The following GSK3B variants were observed in gnomAD, a reference collection of about 807,000 sequenced individuals.
The protein encoded by GSK3B is glycogen synthase kinase-3 beta.
In GSK3B, 15 loss-of-function variants were observed where a neutral mutation model predicts 56.4. The ratio of observed to expected loss-of-function variants is 0.27; its 90% confidence interval spans 0.18 to 0.41. The LOEUF (loss-of-function observed/expected upper bound fraction) is 0.41. Ranked by LOEUF, GSK3B falls within the 10% of genes least tolerant of loss-of-function variation. The probability of loss-of-function intolerance (pLI) is 1.00; values close to 1 mark genes in which losing one functional copy is unlikely to be tolerated. For missense variants in GSK3B, 300 were observed against 513.4 expected, an observed-to-expected ratio of 0.58 and a Z score of 4.02; for synonymous variants, 181 against 188.9, an observed-to-expected ratio of 0.96 and a Z score of 0.34.
At chr3:119,838,146 G>A (rs964419401) in intron 10 of GSK3B, among the ~76,000 whole-genome samples, 2 of 151,666 alleles carry the variant, frequency 1.3e-5, no homozygotes, top group Non-Finnish European at 2.9e-5. Context: ...AAAATTAGCA[G>A]GGTATGGTAG....
chr3:119,916,058 G>A lies in GSK3B; in HGVS notation c.594C>T (p.Leu198=). 6.2e-7 allele frequency: 1 copy of A among 1,612,524 alleles called. No homozygotes were observed. Among genetic ancestry groups the A allele is most frequent in the Non-Finnish European group, 8.5e-7 (1 of 1,178,894 alleles). Residue 198 remains leucine, a synonymous_variant, in exon 5 of 11, where the codon CTC becomes CTT. Transcript: ENST00000264235. ...CAGTAGCTTACCTTCCAAAGTCACA[G>A]AGTTTTAATACAGCAGTATCAGGAT... ...LLDPDTAVLK[L]CDFGSAKQLV... is the part of the protein sequence containing the mutation.
chr3:119,927,337 G>A (rs1451818094), intron 3 of GSK3B, among the ~76,000 whole-genome samples: 2 of 152,168 alleles, frequency 1.3e-5, no homozygotes, highest in Non-Finnish European at 2.9e-5. Flanking sequence ...TTGGGAAAGT[G>A]AGAATGAATG....
At chr3:120,046,445 C>G (rs2058103736) in intron 1 of GSK3B, among the ~76,000 whole-genome samples, 1 of 152,082 alleles carries the variant, frequency 6.6e-6, no homozygotes, top group South Asian at 2.1e-4. Flanking sequence ...TAGGCTCACT[C>G]TACTTTCTGT....
chr3:120,087,119 C>A (rs1330018441), intron 1 of GSK3B, among the ~76,000 whole-genome samples: 1 of 152,216 alleles, frequency 6.6e-6, no homozygotes, highest in East Asian at 1.9e-4. Context: ...ATATTAGCTG[C>A]TCAGGAGCAC....
At chr3:120,075,834 A>G (rs1037155375) in intron 1 of GSK3B, among the ~76,000 whole-genome samples, 1 of 152,184 alleles carries the variant, frequency 6.6e-6, no homozygotes, top group African/African-American at 2.4e-5. Flanking sequence ...CGCAATTCCT[A>G]TCAAAATCCC....
chr3:119,950,814 A>C (rs2057149891), intron 2 of GSK3B, among the ~76,000 whole-genome samples: 1 of 152,210 alleles, frequency 6.6e-6, no homozygotes. Context: ...CAGTAGAGGA[A>C]AATGGCCTTC....
intron 2 of GSK3B, among the ~76,000 whole-genome samples, chr3:119,989,036 A>G (rs1002720833): frequency 3.3e-5 from 5 of 152,160 alleles, no homozygotes; most frequent in African/African-American, 9.7e-5. Flanking sequence ...TTTTCTGGCT[A>G]CAAGTTTCCA....
chr3:119,856,935 C>G (rs897611875), intron 9 of GSK3B, among the ~76,000 whole-genome samples: 1 of 152,132 alleles, frequency 6.6e-6, no homozygotes, highest in African/African-American at 2.4e-5. Flanking sequence ...TTTTAGACCA[C>G]TACAATAAAG....
rs150179864 is a variant in GSK3B at position 119,841,486 on chromosome 3, C to T, written c.1195+1769G>A. Among the ~76,000 whole-genome samples, 411 of 152,228 alleles carry T rather than the reference C, an allele frequency of 2.7e-3. 5 individuals carry two copies. The highest frequency in any genetic ancestry group is 9.1e-3 in the African/African-American group (380 of 41,538). On this transcript the variant is annotated intron_variant, in intron 10 of 10. Transcript: ENST00000264235. ...CCTTTTTCATGTTGTGAACAATTAA[C>T]GTAACCTGGGCCAGTATTAAATTTG...
intron 2 of GSK3B, among the ~76,000 whole-genome samples, chr3:119,999,520 G>GT (rs1559870249): frequency 6.6e-6 from 1 of 152,206 alleles, no homozygotes; most frequent in African/African-American, 2.4e-5. Context: ...CATATAGTAA[G>GT]TATCTGCTAT....
chr3:119,967,408 A>G (rs977918564), intron 2 of GSK3B, among the ~76,000 whole-genome samples: 5 of 152,156 alleles, frequency 3.3e-5, no homozygotes, highest in Non-Finnish European at 4.4e-5. Context: ...AGATATTGAT[A>G]AGATAATCCT....
At chr3:119,867,093 T>A (rs1458713059) in intron 8 of GSK3B, among the ~76,000 whole-genome samples, 2 of 152,200 alleles carry the variant, frequency 1.3e-5, no homozygotes, top group African/African-American at 4.8e-5. Context: ...GCTACTTTTT[T>A]CTCTATTAAT....
intron 1 of GSK3B, among the ~76,000 whole-genome samples, chr3:120,068,552 T>C (rs1207048772): frequency 6.6e-6 from 1 of 150,532 alleles, no homozygotes; most frequent in African/African-American, 2.4e-5. Flanking sequence ...AATCCAAAAA[T>C]TAACCAGTAT....
chr3:119,869,945 G>A (rs902256886), intron 8 of GSK3B, among the ~76,000 whole-genome samples: 2 of 152,096 alleles, frequency 1.3e-5, no homozygotes, highest in South Asian at 2.1e-4. Flanking sequence ...CCAAATGTCC[G>A]CTTATCCAAT....
At chr3:119,962,588 AAAG>A (rs1393149941) in intron 2 of GSK3B, among the ~76,000 whole-genome samples, 2 of 152,144 alleles carry the variant, frequency 1.3e-5, no homozygotes, top group Non-Finnish European at 2.9e-5. Flanking sequence ...TGGAAAAAAA[AAAG>A]AAAATTATTT....
chr3:120,044,110 T>C (rs962467823), intron 1 of GSK3B, among the ~76,000 whole-genome samples: 2 of 152,198 alleles, frequency 1.3e-5, no homozygotes, highest in African/African-American at 4.8e-5. Context: ...ATGGGCTGCA[T>C]GGTAACTCTC....
intron 1 of GSK3B, among the ~76,000 whole-genome samples, chr3:120,028,413 T>C (rs1049040514): frequency 6.6e-6 from 1 of 152,216 alleles, no homozygotes; most frequent in African/African-American, 2.4e-5. Context: ...TTCCAGACTA[T>C]GCCACTAAGG....
At chr3:119,877,641 A>G (rs2056329611) in intron 7 of GSK3B, among the ~76,000 whole-genome samples, 1 of 152,206 alleles carries the variant, frequency 6.6e-6, no homozygotes, top group Non-Finnish European at 1.5e-5. Flanking sequence ...TCCCTTGTAT[A>G]CAAGGAACTA....
At chr3:120,013,926 T>C (rs1475521237) in intron 1 of GSK3B, among the ~76,000 whole-genome samples, 2 of 151,468 alleles carry the variant, frequency 1.3e-5, no homozygotes, top group Non-Finnish European at 1.5e-5. Context: ...TTCCAGCACT[T>C]TGGGAGGCCA....
Sources: gnomAD v4.1 joint callset for allele counts (sites outside exome capture counted in the v4.1 genomes callset) on GRCh38, gnomAD v4.1.1 for gene constraint, MANE v1.5 for transcripts, NCBI Gene and HGNC (gene_info 2026-07-23, HGNC 2026-07-21) for gene names.